The following GPHN variants were observed in gnomAD, a reference collection of about 807,000 sequenced individuals.
The protein encoded by GPHN is gephyrin.
Under a neutral mutation model 95.5 loss-of-function variants are expected in GPHN, and 17 were observed. The ratio of observed to expected loss-of-function variants is 0.18; its 90% CI spans 0.12 to 0.27. The LOEUF (loss-of-function observed/expected upper bound fraction) is 0.27. GPHN is among the 10% of genes least tolerant of loss of function. The pLI is 1.00. For synonymous variants in GPHN, 320 were observed against 322.5 expected (o/e 0.99, Z 0.08); for missense variants, 660 against 978.1 (o/e 0.67, Z 4.34).
At chr14:67,150,225 G>A (rs1370601131) in intron 18 of GPHN, among the ~76,000 whole-genome samples, 3 of 151,638 alleles carry the variant, frequency 2.0e-5, no homozygotes, top group South Asian at 2.1e-4. Context: ...GGCGGATCAC[G>A]AGATCAGGAG....
intron 5 of GPHN, among the ~76,000 whole-genome samples, chr14:66,895,778 A>T (rs2064812215): frequency 6.6e-6 from 1 of 152,170 alleles, no homozygotes; most frequent in African/African-American, 2.4e-5. Context: ...ATACTCTGGC[A>T]GAAGAAAAAT....
At chr14:67,073,514 A>G (rs997466260) in intron 11 of GPHN, among the ~76,000 whole-genome samples, 1 of 152,186 alleles carries the variant, frequency 6.6e-6, no homozygotes, top group Admixed American at 6.5e-5. Flanking sequence ...AATGCTTTTT[A>G]TATTTACACA....
chr14:67,198,945 T>A, the GPHN span: 1 of 701,636 alleles, frequency 1.4e-6, no homozygotes, highest in South Asian at 1.5e-5. Flanking sequence ...CACTGAGCTA[T>A]TACCTCTAAC....
At chr14:67,160,262 G>A (rs546184146) in intron 19 of GPHN, among the ~76,000 whole-genome samples, 1 of 152,096 alleles carries the variant, frequency 6.6e-6, no homozygotes, top group South Asian at 2.1e-4. Context: ...ACTTCCTTAG[G>A]TTATGTTCCT....
chr14:67,473,320 G>T, the GPHN span: 1 of 1,504,456 alleles, frequency 6.6e-7, no homozygotes, highest in South Asian at 1.3e-5. This position sits in a 1 kb window ranked among gnomAD's most constrained non-coding sequence, Gnocchi z 6.5. Flanking sequence ...GGCTTGGCCG[G>T]AGCAGGGCTT....
At chr14:67,183,656 C>T (rs771875246), downstream of GPHN, among the ~76,000 whole-genome samples, 6 of 151,556 alleles carry the variant, frequency 4.0e-5, no homozygotes, top group Non-Finnish European at 8.8e-5. Context: ...CTCCACCTCC[C>T]GGGTTCAAGC....
intron 1 of GPHN, among the ~76,000 whole-genome samples, chr14:66,662,098 G>A (rs2065694465): frequency 6.6e-6 from 1 of 152,140 alleles, no homozygotes; most frequent in Non-Finnish European, 1.5e-5. Context: ...TACAGACTTT[G>A]GAGAGCCCAA....
At chr14:67,099,795 A>G (rs1245502517) in intron 12 of GPHN, among the ~76,000 whole-genome samples, 2 of 152,154 alleles carry the variant, frequency 1.3e-5, no homozygotes, top group African/African-American at 4.8e-5. Context: ...CCTTTTAAAA[A>G]GAGAAAATAT....
the GPHN span, chr14:67,228,256 ATT>A: frequency 5.2e-6 from 1 of 190,774 alleles, no homozygotes; most frequent in Non-Finnish European, 9.6e-6. Context: ...AAGGATCTTT[ATT>A]TTTTATATCA....
chr14:67,431,437 C>T, the GPHN span, among the ~76,000 whole-genome samples: 1 of 148,616 alleles, frequency 6.7e-6, no homozygotes, highest in African/African-American at 2.5e-5. Flanking sequence ...TAGTGTAATC[C>T]CAGCATTTTG....
the GPHN span, among the ~76,000 whole-genome samples, chr14:67,251,472 G>A: frequency 6.6e-6 from 1 of 152,160 alleles, no homozygotes; most frequent in Non-Finnish European, 1.5e-5. Context: ...GGTTGAGGCT[G>A]CAGTGAACCA....
the GPHN span, among the ~76,000 whole-genome samples, chr14:67,438,860 C>CA: frequency 0.1 from 5,477 of 55,024 alleles, 295 homozygotes; most frequent in Non-Finnish European, 0.15. Context: ...GACTCCGTCT[C>CA]AAAAAAAAAA....
At chr14:66,992,288 G>C (rs1048922347) in intron 9 of GPHN, among the ~76,000 whole-genome samples, 2 of 152,074 alleles carry the variant, frequency 1.3e-5, no homozygotes, top group African/African-American at 4.8e-5. Context: ...AACTAAGATG[G>C]AAAGTGATGA....
chr14:66,833,018 A>C (rs1032283212), intron 4 of GPHN, among the ~76,000 whole-genome samples: 1 of 152,184 alleles, frequency 6.6e-6, no homozygotes. Context: ...GGATGGATAC[A>C]CTAGACCTAC....
the GPHN span, among the ~76,000 whole-genome samples, chr14:67,526,816 C>T: frequency 5.3e-5 from 8 of 152,112 alleles, no homozygotes. Flanking sequence ...ATGTCCAGGG[C>T]TTCCATACTG....
chr14:66,754,327 T>C (rs1381207223), intron 2 of GPHN, among the ~76,000 whole-genome samples: 2 of 152,028 alleles, frequency 1.3e-5, no homozygotes, highest in Non-Finnish European at 2.9e-5. Context: ...CCACCAGAAA[T>C]TTATGAGGGA....
At chr14:66,715,136 T>G (rs1247209090) in intron 2 of GPHN, among the ~76,000 whole-genome samples, 1 of 152,218 alleles carries the variant, frequency 6.6e-6, no homozygotes, top group Non-Finnish European at 1.5e-5. Flanking sequence ...AATTTTTAAA[T>G]TACTGTTTCA....
intron 11 of GPHN, among the ~76,000 whole-genome samples, chr14:67,061,466 A>G (rs1044369850): frequency 1.3e-5 from 2 of 151,796 alleles, no homozygotes; most frequent in African/African-American, 4.8e-5. Context: ...TTCGTTATTA[A>G]CACTCCCTAC....
intron 1 of GPHN, among the ~76,000 whole-genome samples, chr14:66,568,541 T>C (rs1363422700): frequency 6.6e-6 from 1 of 151,746 alleles, no homozygotes; most frequent in African/African-American, 2.4e-5. Context: ...ATTGCTGCTT[T>C]ATTCAGTCTC....
Sources: allele counts gnomAD v4.1 joint callset (sites outside exome capture counted in the v4.1 genomes callset), GRCh38; gene constraint gnomAD v4.1.1; non-coding constraint Gnocchi (gnomAD v3.1); transcripts MANE v1.5; gene names NCBI Gene and HGNC (gene_info 2026-07-23, HGNC 2026-07-21).